The following MAPK10 variants were observed in gnomAD, a reference collection of about 807,000 sequenced individuals.
MAPK10 encodes the protein JNK3 alpha protein kinase.
In MAPK10, 25 loss-of-function variants were observed where a neutral mutation model predicts 59.3. The ratio of observed to expected loss-of-function variants is 0.42; its 90% CI spans 0.31 to 0.59. The LOEUF is 0.59. Ranked by LOEUF, MAPK10 falls within the 20% of genes least tolerant of loss-of-function variation. The pLI, the probability that MAPK10 is intolerant of heterozygous loss-of-function variation, is 0.15. For missense variants in MAPK10, 351 were observed against 568.9 expected (o/e 0.62, Z 3.90); for synonymous variants, 190 against 200.5 (o/e 0.95, Z 0.44).
intron 13 of MAPK10, among the ~76,000 whole-genome samples, chr4:86,021,044 G>A (rs563144089): frequency 6.6e-6 from 1 of 152,210 alleles, no homozygotes; most frequent in East Asian, 1.9e-4. Flanking sequence ...CAATCCCTGA[G>A]CTAGATACAA....
intron 4 of MAPK10, among the ~76,000 whole-genome samples, chr4:86,118,723 T>C (rs2058706371): frequency 6.6e-6 from 1 of 152,152 alleles, no homozygotes; most frequent in Non-Finnish European, 1.5e-5. Flanking sequence ...GTCATAATCA[T>C]TTATTTGACA....
rs1032921996 is a variant in MAPK10, at chr4:86,138,790, T to C, written c.236+20508A>G. ...ATGACTGTATATCTAGAAAACCCCA[T>C]TGTCTTAGCCCAGAATCTCCTTAAG... On this transcript the variant is annotated intron_variant, in intron 4 of 13. Coordinates refer to ENST00000641462, the MANE Select transcript of MAPK10 (RefSeq NM_138982.4). Among the ~76,000 whole-genome samples, 6 of 152,022 alleles carry C rather than the reference T, an allele frequency of 3.9e-5. No homozygotes were observed. In the East Asian group the frequency reaches 5.8e-4, roughly 15 times the overall value.
At chr4:86,233,887 C>A (rs1211572396) in intron 2 of MAPK10, among the ~76,000 whole-genome samples, 1 of 148,772 alleles carries the variant, frequency 6.7e-6, no homozygotes, top group South Asian at 2.1e-4. Context: ...TCTCCCAAGG[C>A]GTGTGCCTTC....
intron 2 of MAPK10, among the ~76,000 whole-genome samples, chr4:86,225,852 A>C (rs905965289): frequency 6.6e-6 from 1 of 152,164 alleles, no homozygotes; most frequent in Non-Finnish European, 1.5e-5. Context: ...TCTCCAATAC[A>C]TTCTCCATAA....
upstream of MAPK10, among the ~76,000 whole-genome samples, chr4:86,362,602 A>G (rs1666598338): frequency 6.6e-6 from 1 of 152,176 alleles, no homozygotes; most frequent in South Asian, 2.1e-4. Context: ...AATAATAAAC[A>G]TGAACAAACA....
chr4:86,262,166 A>AGAGGTGGGACTTTTG (rs2094011731), intron 2 of MAPK10, among the ~76,000 whole-genome samples: 2 of 152,066 alleles, frequency 1.3e-5, no homozygotes, highest in Non-Finnish European at 2.9e-5. Flanking sequence ...TGGGACTTTT[A>AGAGGTGGGACTTTTG]AGAGGTGATT....
At chr4:86,459,143 CAACA>C (rs1234325896) in intron 1 of MAPK10, among the ~76,000 whole-genome samples, 2 of 152,128 alleles carry the variant, frequency 1.3e-5, no homozygotes, top group Non-Finnish European at 2.9e-5. Flanking sequence ...TACAAATGGA[CAACA>C]AACATATGAA....
intron 1 of MAPK10, chr4:86,356,476 TAA>T: frequency 8.7e-6 from 8 of 919,378 alleles, no homozygotes; most frequent in Non-Finnish European, 7.8e-6. Flanking sequence ...TGTCTCCTCT[TAA>T]GAGTTTCTAC....
At chr4:86,395,546 T>G (rs947817811) in intron 1 of MAPK10, among the ~76,000 whole-genome samples, 1 of 152,306 alleles carries the variant, frequency 6.6e-6, no homozygotes, top group Non-Finnish European at 1.5e-5. Flanking sequence ...TGATAGTTTT[T>G]GGGGCGGAGG....
intron 1 of MAPK10, among the ~76,000 whole-genome samples, chr4:86,534,113 T>A (rs1487342947): frequency 1.3e-5 from 2 of 152,050 alleles, no homozygotes; most frequent in Non-Finnish European, 2.9e-5. Flanking sequence ...AATGTTTCCT[T>A]ATATTATTTA....
chr4:86,386,083 A>C (rs1018179318), intron 1 of MAPK10, among the ~76,000 whole-genome samples: 6 of 152,174 alleles, frequency 3.9e-5, no homozygotes, highest in Non-Finnish European at 7.3e-5. Flanking sequence ...ATCATTTCTA[A>C]TTACGTGTTT....
intron 9 of MAPK10, among the ~76,000 whole-genome samples, chr4:86,075,443 G>C (rs961120036): frequency 6.6e-6 from 1 of 152,166 alleles, no homozygotes; most frequent in Non-Finnish European, 1.5e-5. Flanking sequence ...GTGAGGAACT[G>C]TGTTCCTTTG....
intron 2 of MAPK10, among the ~76,000 whole-genome samples, chr4:86,210,186 T>C (rs1001814597): frequency 1.3e-5 from 2 of 152,070 alleles, no homozygotes; most frequent in African/African-American, 2.4e-5. Context: ...TAGGAAAATT[T>C]TGGGGAAACT....
intron 1 of MAPK10, among the ~76,000 whole-genome samples, chr4:86,395,672 G>A (rs777516577): frequency 6.6e-6 from 1 of 152,164 alleles, no homozygotes; most frequent in Non-Finnish European, 1.5e-5. Flanking sequence ...TTAAAGGAGA[G>A]ATATTCATTT....
intron 1 of MAPK10, among the ~76,000 whole-genome samples, chr4:86,483,044 A>T (rs1307001450): frequency 6.6e-6 from 1 of 152,200 alleles, no homozygotes; most frequent in Non-Finnish European, 1.5e-5. Context: ...CACTTCTTTG[A>T]CTAAGCTGTC....
chr4:86,560,689 G>A (rs1169449976), intron 1 of MAPK10, among the ~76,000 whole-genome samples: 4 of 152,210 alleles, frequency 2.6e-5, no homozygotes, highest in Non-Finnish European at 5.9e-5. Context: ...GATGCAGTAA[G>A]CTATAAACTT....
intron 13 of MAPK10, 137 bp downstream of exon 13, chr4:86,029,060 T>A: frequency 2.7e-6 from 2 of 754,400 alleles, no homozygotes; most frequent in Non-Finnish European, 4.9e-6. Flanking sequence ...AAAACTAAAA[T>A]CATTATAAGG....
chr4:86,573,810 T>G (rs991778518), intron 1 of MAPK10, among the ~76,000 whole-genome samples: 4 of 152,214 alleles, frequency 2.6e-5, no homozygotes, highest in Non-Finnish European at 5.9e-5. Context: ...TTTCTTAGAT[T>G]TATCCCTTAT....
chr4:86,423,008 T>G (rs931844957), intron 1 of MAPK10, among the ~76,000 whole-genome samples: 1 of 152,224 alleles, frequency 6.6e-6, no homozygotes, highest in African/African-American at 2.4e-5. Context: ...TATTTTCCAC[T>G]GGCAGACATT....
Sources: gnomAD v4.1 joint callset for allele counts (sites outside exome capture counted in the v4.1 genomes callset) on GRCh38, gnomAD v4.1.1 for gene constraint, MANE v1.5 for transcripts, NCBI Gene and HGNC (gene_info 2026-07-23, HGNC 2026-07-21) for gene names.